Variants in TACC2 observed in about 807,000 individuals in gnomAD.
TACC2 encodes transforming acidic coiled-coil containing protein 2, also known as transforming acidic coiled-coil-containing protein 2.
TACC2 carries 137 observed loss-of-function variants against 227.3 expected under a neutral mutation model. The observed-to-expected ratio is 0.60, with a 90% CI of 0.52 to 0.69. The LOEUF (loss-of-function observed/expected upper bound fraction) is 0.69, where lower values mean the gene tolerates loss of function less well. Among genes scored for constraint, TACC2 ranks in the 30% least tolerant of loss-of-function variants. The pLI, the probability that TACC2 is intolerant of heterozygous loss-of-function variation, is 0.00. For synonymous variants in TACC2, 1,523 were observed against 1,487.5 expected, an observed-to-expected ratio of 1.02 and a Z score of -0.55; for missense variants, 3,470 against 3,694.4, an observed-to-expected ratio of 0.94 and a Z score of 1.57.
At chr10:122,218,734 C>G (rs2095462711) in intron 11 of TACC2, among the ~76,000 whole-genome samples, 1 of 151,942 alleles carries the variant, frequency 6.6e-6, no homozygotes, top group Non-Finnish European at 1.5e-5. Context: ...ACCATCTTGG[C>G]CAGGCACAGT....
intron 9 of TACC2, 43 bp from the exon 10 acceptor site, chr10:122,215,348 G>A (rs375332985): frequency 3.7e-5 from 58 of 1,575,534 alleles, no homozygotes; most frequent in South Asian, 1.4e-4. Flanking sequence ...GGAGTGTTCC[G>A]TCCCTCTGCT....
Position 122,082,722 on chromosome 10 carries a change from C to T in TACC2, c.222C>T (p.Ser74=), listed in dbSNP as rs779193768. 6.2e-7 allele frequency: 1 copy of T among 1,614,070 alleles called. No individual in the cohort carries two copies. The highest frequency in any genetic ancestry group is 1.1e-5 in the South Asian group (1 of 91,066). The stretch of plus-strand genomic sequence containing the variant: ...CCAGCCTGGATCCATGCCTTGTGTC[C>T]CCAGAGGTGACTGAGCCAAGGAAGG... ...SSASLDPCLV[S]PEVTEPRKDP... The change falls in exon 4 of 23, where the codon TCC becomes TCT. Residue 74 remains serine, a synonymous_variant. Coordinates refer to ENST00000369005, the MANE Select transcript of TACC2 (RefSeq NM_206862.4).
chr10:122,240,549 A>G (rs1250068072), intron 18 of TACC2, among the ~76,000 whole-genome samples: 1 of 152,192 alleles, frequency 6.6e-6, no homozygotes, highest in Non-Finnish European at 1.5e-5. Context: ...GGTCTAGGAA[A>G]ATCCTTACTC....
intron 19 of TACC2, among the ~76,000 whole-genome samples, chr10:122,244,809 C>T (rs564595066): frequency 6.6e-6 from 1 of 152,312 alleles, no homozygotes; most frequent in Admixed American, 6.5e-5. Flanking sequence ...CTCCATTCAG[C>T]TTTCACAGAT....
In TACC2 at chr10:122,219,189, G is replaced by C. The variant is rs56848396; in HGVS notation, c.7546+2361G>C. Among the ~76,000 whole-genome samples, 1,508 of 151,890 alleles carry C rather than the reference G, an allele frequency of 9.9e-3. 38 individuals are homozygous for C. Among genetic ancestry groups the C allele is most frequent in the African/African-American group, 0.035 (1,444 of 41,382 alleles). On this transcript the variant is annotated intron_variant, in intron 11 of 22. Coordinates refer to ENST00000369005, the MANE Select transcript of TACC2 (RefSeq NM_206862.4). ...CAGCTGCCTCTGCAGTGCTGCTGTAGACCCCGCCTGCTGGAACACCCTTCC... is the reference window on the plus strand; with the variant it reads ...CAGCTGCCTCTGCAGTGCTGCTGTACACCCCGCCTGCTGGAACACCCTTCC...
chr10:122,113,947 G>T (rs886957864), intron 5 of TACC2, among the ~76,000 whole-genome samples: 46 of 152,268 alleles, frequency 3.0e-4, no homozygotes, highest in Admixed American at 3.0e-3. Context: ...AATACACCAC[G>T]CTGTGGCCAG....
In TACC2 at chr10:122,054,531, C is replaced by T. The variant is rs573859819; in HGVS notation, c.146+3981C>T. Among the ~76,000 whole-genome samples the T allele has an allele frequency of 4.5e-4, 68 of 152,326 alleles. 1 individual carries two copies. The highest frequency in any genetic ancestry group is 3.4e-3 in the Middle Eastern group (1 of 294). On this transcript the variant is annotated intron_variant, in intron 3 of 22. Transcript: ENST00000369005. ...AGACACAACTGATTTTATCTTACAA[C>T]CTTTTGCCAGATAATGGAGCTATTA...
rs1380377116 is a variant in TACC2 at position 122,083,343 on chromosome 10, A to G, written c.843A>G (p.Pro281=). 1 of 1,613,900 alleles carries G rather than the reference A, an allele frequency of 6.2e-7. No individual in the cohort carries two copies. The highest frequency in any genetic ancestry group is 8.5e-7 in the Non-Finnish European group (1 of 1,180,038). Residue 281 remains proline (P), a synonymous_variant, in exon 4 of 23, where the codon CCA becomes CCG. Transcript: ENST00000369005. The part of the protein sequence containing the change: ...LKPMAPIPQD[P]APRASDRERG... ...CCATGGCCCCGATCCCACAAGATCC[A>G]GCCCCAAGAGCCTCAGACAGAGAAA... is the stretch of plus-strand genomic sequence containing the variant.
At chr10:122,238,923 A>G (rs75086715) in intron 18 of TACC2, among the ~76,000 whole-genome samples, 1,758 of 152,146 alleles carry the variant, frequency 0.012, 46 homozygotes, top group African/African-American at 0.041. Context: ...TAAATGATTT[A>G]TTTTCATTTG....
At chr10:122,000,973 C>T (rs570840636) in intron 1 of TACC2, among the ~76,000 whole-genome samples, 7 of 152,252 alleles carry the variant, frequency 4.6e-5, no homozygotes, top group Non-Finnish European at 1.0e-4. Flanking sequence ...CAGGCATGCG[C>T]CACCATGCCC....
Position 122,088,554 on chromosome 10 carries a change from A to C in TACC2, c.5536A>C (p.Thr1846Pro). The C allele has an allele frequency of 2.5e-6, 4 of 1,613,802 alleles. No individual in the cohort carries two copies. Among genetic ancestry groups the C allele is most frequent in the Non-Finnish European group, 3.4e-6 (4 of 1,179,914 alleles). ...KDAPRVMDKV[T>P]SDETRGAEGT... ...TGCTCCAAGAGTCATGGATAAAGTC[A>C]CTTCAGATGAGACCAGAGGTGCGGA... The change falls in exon 5 of 23, where the codon ACT becomes CCT. Residue 1846 changes from threonine to proline, a missense_variant. Around this residue, in one of 10 missense-constraint regions of TACC2, gnomAD observed 1,924 missense variants for 1,978.3 expected, o/e 0.97. Coordinates refer to ENST00000369005, the MANE Select transcript of TACC2 (RefSeq NM_206862.4).
At chr10:122,176,073 T>TTCTCTCTCTCTCTCTC (rs55655832) in intron 7 of TACC2, among the ~76,000 whole-genome samples, 3 of 92,738 alleles carry the variant, frequency 3.2e-5, no homozygotes, top group South Asian at 5.3e-4. Flanking sequence ...GAGCAAAACC[T>TTCTCTCTCTCTCTCTC]TCTCTCTCTC....
intron 1 of TACC2, among the ~76,000 whole-genome samples, chr10:122,007,272 T>C (rs1257579126): frequency 6.6e-6 from 1 of 152,182 alleles, no homozygotes; most frequent in Non-Finnish European, 1.5e-5. Flanking sequence ...TTTTCTTATA[T>C]TTTTTTCTGG....
chr10:122,201,212 C>A (rs1210090851), intron 8 of TACC2, among the ~76,000 whole-genome samples: 1 of 138,200 alleles, frequency 7.2e-6, no homozygotes, highest in South Asian at 2.3e-4. Flanking sequence ...AGAGGATGGC[C>A]ACCTCACCCG....
At chr10:122,226,240 C>G (rs1156242793) in intron 12 of TACC2, 126 bp from the exon 13 acceptor site, 5 of 678,746 alleles carry the variant, frequency 7.4e-6, no homozygotes, top group Admixed American at 7.2e-5. Flanking sequence ...CCTGGTGGCT[C>G]CAGAACAATG....
intron 8 of TACC2, among the ~76,000 whole-genome samples, chr10:122,199,730 G>C (rs2094715585): frequency 6.6e-6 from 1 of 152,194 alleles, no homozygotes; most frequent in South Asian, 2.1e-4. Flanking sequence ...CATAGACCAG[G>C]TACCTGTTAG....
intron 7 of TACC2, among the ~76,000 whole-genome samples, chr10:122,193,881 G>GA (rs1302321601): frequency 2.6e-5 from 4 of 151,926 alleles, no homozygotes; most frequent in Non-Finnish European, 5.9e-5. Flanking sequence ...GTGGAAGCAG[G>GA]GTGATGGGGA....
chr10:122,173,591 A>G (rs996585650), intron 7 of TACC2, among the ~76,000 whole-genome samples: 2 of 152,224 alleles, frequency 1.3e-5, no homozygotes, highest in East Asian at 1.9e-4. Flanking sequence ...AAGAGGCTGG[A>G]GGAGTGTGGT....
At chr10:122,155,492 G>A (rs527819592) in intron 7 of TACC2, among the ~76,000 whole-genome samples, 21 of 152,330 alleles carry the variant, frequency 1.4e-4, no homozygotes, top group African/African-American at 4.6e-4. Context: ...CTTGGAAATA[G>A]TTTCCGGAGA....
Sources: gnomAD v4.1 joint callset for allele counts (sites outside exome capture counted in the v4.1 genomes callset) on GRCh38, gnomAD v4.1.1 for gene constraint, gnomAD v4.1.1 regional missense constraint, MANE v1.5 for transcripts, NCBI Gene and HGNC (gene_info 2026-07-23, HGNC 2026-07-21) for gene names.